The following ZNF2 variants were observed in gnomAD, a reference collection of about 807,000 sequenced individuals.
ZNF2 encodes the protein zinc finger protein 2.
A neutral mutation model predicts 21.9 loss-of-function variants in ZNF2; 12 were observed. The ratio of observed to expected loss-of-function variants is 0.55; its 90% CI spans 0.35 to 0.89. The LOEUF is 0.89. Ranked by LOEUF, ZNF2 falls within the 40% of genes least tolerant of loss-of-function variation. The probability of loss-of-function intolerance (pLI) is 0.01; values close to 1 mark genes in which losing one functional copy is unlikely to be tolerated. For synonymous variants in ZNF2, 186 were observed against 196.3 expected, an observed-to-expected ratio of 0.95 and a Z score of 0.44; for missense variants, 462 against 544.2, an observed-to-expected ratio of 0.85 and a Z score of 1.50.
chr2:95,170,437 G>C (rs1300594043), intron 1 of ZNF2, among the ~76,000 whole-genome samples: 2 of 152,062 alleles, frequency 1.3e-5, no homozygotes, highest in African/African-American at 4.8e-5. Context: ...AATTTTGCTT[G>C]GCCAGTGTGA....
intron 1 of ZNF2, among the ~76,000 whole-genome samples, chr2:95,166,427 G>A (rs1436298649): frequency 1.3e-5 from 2 of 152,234 alleles, no homozygotes; most frequent in South Asian, 4.1e-4. Flanking sequence ...TGAAGAAAAG[G>A]TACGCTGGGA....
chr2:95,177,472 T>A lies in ZNF2; in HGVS notation c.34-11T>A, dbSNP rs1674484671. 1.2e-6 allele frequency: 2 copies of A among 1,613,024 alleles called. No individual in the cohort carries two copies. Among genetic ancestry groups the A allele is most frequent in the Admixed American group, 1.7e-5 (1 of 59,920 alleles). On this transcript the variant is annotated splice_polypyrimidine_tract_variant and intron_variant, in intron 2 of 4. Coordinates refer to ENST00000614034, the MANE Select transcript of ZNF2 (RefSeq NM_021088.4). ...GATTAAGAGTAAGGGAGAATGTGAT[T>A]GTATTTTCAGGAATCAGTGACATTC... is the stretch of plus-strand genomic sequence containing the variant.
At position 95,182,210 on chromosome 2, in the gene ZNF2, G is replaced by A. The variant is rs563535993; in HGVS notation, c.*104G>A. 43 of 1,419,850 alleles carry A rather than the reference G, an allele frequency of 3.0e-5. No homozygotes were observed. Among genetic ancestry groups the A allele is most frequent in the African/African-American group, 2.3e-4 (16 of 69,748 alleles). The allele number at this position is 1,419,850 out of a possible 1,614,324, so 88.0% of individuals were successfully genotyped here. A position where few individuals can be genotyped will look rare whatever the true frequency, so the allele number is the denominator to read the frequency against. On this transcript the variant is annotated 3_prime_UTR_variant, in exon 5 of 5. Transcript: ENST00000614034. ...GCTCATTCTACCCACTCTGGCTGCC[G>A]TTGTCCTGTCCTGCTTCTGCGCCAG...
intron 1 of ZNF2, among the ~76,000 whole-genome samples, chr2:95,172,651 T>C (rs1198354364): frequency 6.6e-6 from 1 of 151,566 alleles, no homozygotes; most frequent in Non-Finnish European, 1.5e-5. Flanking sequence ...TTTTTTTTTT[T>C]TTTTAGATGG....
chr2:95,176,190 C>T lies in ZNF2; in HGVS notation c.-37C>T. The T allele has an allele frequency of 6.2e-7, 1 of 1,614,100 alleles. No individual in the cohort carries two copies. Among genetic ancestry groups the T allele is most frequent in the Non-Finnish European group, 8.5e-7 (1 of 1,179,978 alleles). Reference sequence around the variant, plus strand: ...ACCCCCCACTTCTGCCTCATTAGGACTCTGCCCTTGTCCACAAGGAGAGCA... The same window carrying T: ...ACCCCCCACTTCTGCCTCATTAGGATTCTGCCCTTGTCCACAAGGAGAGCA... On this transcript the variant is annotated splice_region_variant and 5_prime_UTR_variant, in exon 2 of 5. Coordinates refer to ENST00000614034, the MANE Select transcript of ZNF2 (RefSeq NM_021088.4).
chr2:95,182,271 A>G lies in ZNF2; in HGVS notation c.*165A>G. The G allele has an allele frequency of 1.2e-6, 1 of 830,216 alleles. No homozygotes were observed. Among genetic ancestry groups the G allele is most frequent in the African/African-American group, 1.7e-5 (1 of 58,192 alleles). The allele number at this position is 830,216 out of a possible 1,614,324, so 51.4% of individuals were successfully genotyped here. A position where few individuals can be genotyped will look rare whatever the true frequency, so the allele number is the denominator to read the frequency against. ...AAGCACTCCCTTCCTGCTGTGTTAT[A>G]GAACTGTAGGGGAGGCCATGGAAAT... On this transcript the variant is annotated 3_prime_UTR_variant, in exon 5 of 5. Coordinates refer to ENST00000614034, the MANE Select transcript of ZNF2 (RefSeq NM_021088.4).
intron 3 of ZNF2, among the ~76,000 whole-genome samples, chr2:95,178,615 G>T (rs758246255): frequency 6.6e-6 from 1 of 152,134 alleles, no homozygotes; most frequent in Non-Finnish European, 1.5e-5. Context: ...TCTTTCCCAA[G>T]TTGGGGCCTC....
intron 1 of ZNF2, among the ~76,000 whole-genome samples, chr2:95,167,293 A>G (rs530402702): frequency 1.6e-3 from 238 of 152,188 alleles, no homozygotes; most frequent in Non-Finnish European, 1.5e-3. Flanking sequence ...TCACGAGGTC[A>G]GGAGATCGAG....
rs1674640515 is a variant in ZNF2 at position 95,181,344 on chromosome 2, C to A, written c.516C>A (p.His172Gln). ...LSREILTKER[H>Q]QECSDCGKTF... ...GGGAAATTCTCACTAAAGAGAGACACCAGGAATGCAGTGACTGTGGGAAGA... is the reference window on the plus strand; with the variant it reads ...GGGAAATTCTCACTAAAGAGAGACAACAGGAATGCAGTGACTGTGGGAAGA... Residue 172 changes from histidine to glutamine, a missense_variant, in exon 5 of 5, where the codon CAC becomes CAA. Transcript: ENST00000614034. The A allele has an allele frequency of 6.2e-7, 1 of 1,614,080 alleles. No individual in the cohort carries two copies. The highest frequency in any genetic ancestry group is 8.5e-7 in the Non-Finnish European group (1 of 1,180,048).
intron 1 of ZNF2, among the ~76,000 whole-genome samples, chr2:95,172,868 C>CT (rs889166014): frequency 6.6e-6 from 1 of 151,828 alleles, no homozygotes; most frequent in African/African-American, 2.4e-5. Context: ...AACTCCTAAC[C>CT]TCAAGTGATC....
At chr2:95,179,164 G>A (rs1206998081) in intron 3 of ZNF2, among the ~76,000 whole-genome samples, 1 of 151,998 alleles carries the variant, frequency 6.6e-6, no homozygotes, top group Non-Finnish European at 1.5e-5. Flanking sequence ...GCTAATTTTT[G>A]TATTTTTAGT....
At chr2:95,175,765 G>A (rs147232454) in intron 1 of ZNF2, among the ~76,000 whole-genome samples, 213 of 152,328 alleles carry the variant, frequency 1.4e-3, no homozygotes, top group African/African-American at 4.8e-3. Context: ...TTTAGCAAGG[G>A]CTATGAGTGG....
At chr2:95,170,141 C>A (rs1325581300) in intron 1 of ZNF2, among the ~76,000 whole-genome samples, 1 of 152,008 alleles carries the variant, frequency 6.6e-6, no homozygotes, top group African/African-American at 2.4e-5. Flanking sequence ...ATTTGGATAC[C>A]CTCTTGTGAT....
At chr2:95,169,724 C>T (rs1166812174) in intron 1 of ZNF2, among the ~76,000 whole-genome samples, 2 of 152,016 alleles carry the variant, frequency 1.3e-5, no homozygotes, top group East Asian at 3.9e-4. Context: ...CACTCCAGCC[C>T]GGGAGACAGA....
At chr2:95,166,706 G>A (rs1156837263) in intron 1 of ZNF2, among the ~76,000 whole-genome samples, 1 of 152,138 alleles carries the variant, frequency 6.6e-6, no homozygotes, top group Non-Finnish European at 1.5e-5. Context: ...AGTCAAAAGG[G>A]CCTGGTGACT....
At chr2:95,172,836 C>T (rs535230589) in intron 1 of ZNF2, among the ~76,000 whole-genome samples, 1 of 152,062 alleles carries the variant, frequency 6.6e-6, no homozygotes, top group African/African-American at 2.4e-5. Flanking sequence ...GGGATTTCAC[C>T]ATGTTGGCCA....
rs1203929055 is a variant in ZNF2 at position 95,183,140 on chromosome 2, C to A, written c.*1034C>A. 1.3e-5 allele frequency: 2 copies of A among 152,216 alleles called. No individual in the cohort carries two copies. The highest frequency in any genetic ancestry group is 2.9e-5 in the Non-Finnish European group (2 of 68,052). The allele number at this position is 152,216 out of a possible 1,614,324, so 9.4% of individuals were successfully genotyped here. The stretch of plus-strand genomic sequence containing the variant: ...CTTTATTGAAGAGGGATGTGCTAAG[C>A]TGTGGTACAGTAACAAGCCCGCAGA... On this transcript the variant is annotated 3_prime_UTR_variant, in exon 5 of 5. Coordinates refer to ENST00000614034, the MANE Select transcript of ZNF2 (RefSeq NM_021088.4).
intron 3 of ZNF2, among the ~76,000 whole-genome samples, chr2:95,179,532 C>T (rs1458160825): frequency 3.3e-5 from 5 of 152,216 alleles, no homozygotes; most frequent in Non-Finnish European, 5.9e-5. Flanking sequence ...TCATTCTCAT[C>T]TCTCCTAAGC....
intron 4 of ZNF2, among the ~76,000 whole-genome samples, chr2:95,180,786 A>G (rs1674611983): frequency 6.6e-6 from 1 of 152,220 alleles, no homozygotes; most frequent in South Asian, 2.1e-4. Flanking sequence ...CTAGGATTAC[A>G]GGTGTGAGCC....
Sources: gnomAD v4.1 joint callset for allele counts (sites outside exome capture counted in the v4.1 genomes callset) on GRCh38, gnomAD v4.1.1 for gene constraint, MANE v1.5 for transcripts, NCBI Gene and HGNC (gene_info 2026-07-23, HGNC 2026-07-21) for gene names.